The following ANKRD36 variants were observed in gnomAD, a reference collection of about 807,000 sequenced individuals.
ANKRD36 encodes ankyrin repeat domain-containing protein 36A.
Under a neutral mutation model 278.1 loss-of-function variants are expected in ANKRD36, and 179 were observed. That is an observed-to-expected ratio of 0.64 (90% CI 0.57 to 0.73). The LOEUF is 0.73. Ranked by LOEUF, ANKRD36 falls within the 30% of genes least tolerant of loss-of-function variation. The pLI, the probability that ANKRD36 is intolerant of heterozygous loss-of-function variation, is 0.00. For missense variants in ANKRD36, 1,159 were observed against 1,956.7 expected, an observed-to-expected ratio of 0.59 and a Z score of 7.69; for synonymous variants, 320 against 641.1, an observed-to-expected ratio of 0.50 and a Z score of 7.57.
chr2:97,158,759 A>G, intron 17 of ANKRD36, 104 bp downstream of exon 17: 2 of 1,193,082 alleles, frequency 1.7e-6, no homozygotes, highest in Non-Finnish European at 2.3e-6. Flanking sequence ...ACAATGGTAA[A>G]TTGTTTTATT....
intron 6 of ANKRD36, among the ~76,000 whole-genome samples, chr2:97,136,735 A>G (rs1248805206): frequency 1.3e-5 from 2 of 152,000 alleles, no homozygotes; most frequent in Admixed American, 1.3e-4. Context: ...TTTTCTACAC[A>G]TACAGCAGAT....
chr2:97,160,636 A>G, intron 17 of ANKRD36, among the ~76,000 whole-genome samples: 1 of 152,056 alleles, frequency 6.6e-6, no homozygotes, highest in Non-Finnish European at 1.5e-5. Flanking sequence ...CTGATTTTTA[A>G]CTATTATCTT....
In ANKRD36 at chr2:97,189,347, C is replaced by G. The variant is rs2058065430; in HGVS notation, c.2245+57C>G. On this transcript the variant is annotated intron_variant, in intron 34 of 75. Transcript: ENST00000420699. ...TCAATCCAGATAGAAAAGAACTTCT[C>G]TACCCCGAATAAATCAGCGGAGGGT... The G allele has an allele frequency of 6.2e-6, 4 of 646,938 alleles. 1 individual carries two copies. The highest frequency in any genetic ancestry group is 6.0e-5 in the African/African-American group (4 of 66,692). The allele number at this position is 646,938 out of a possible 1,614,324, so 40.1% of individuals were successfully genotyped here. A position where few individuals can be genotyped will look rare whatever the true frequency, so the allele number is the denominator to read the frequency against.
At chr2:97,187,474 A>T (rs1203392363) in intron 32 of ANKRD36, 73 bp downstream of exon 32, 1 of 48,768 alleles carries the variant, frequency 2.1e-5, no homozygotes, top group Non-Finnish European at 4.0e-5. Flanking sequence ...CTAATAAATC[A>T]GCGGAGGGCG....
intron 58 of ANKRD36, 79 bp downstream of exon 58, chr2:97,211,820 G>T: frequency 6.2e-6 from 9 of 1,444,564 alleles, no homozygotes; most frequent in Non-Finnish European, 8.5e-6. Flanking sequence ...AACAGCGGGG[G>T]GTTCGTCAAG....
chr2:97,159,593 C>T (rs1223932346), intron 17 of ANKRD36, among the ~76,000 whole-genome samples: 1 of 151,568 alleles, frequency 6.6e-6, no homozygotes, highest in Admixed American at 6.6e-5. Flanking sequence ...TACTTTTTGA[C>T]TCTTGTTAAA....
chr2:97,187,248 T>C (rs759188921), intron 31 of ANKRD36, 22 bp downstream of exon 31: 29 of 1,609,376 alleles, frequency 1.8e-5, no homozygotes, highest in Non-Finnish European at 2.2e-5. Context: ...CTCATTTATA[T>C]TGTGAACTAG....
intron 67 of ANKRD36, among the ~76,000 whole-genome samples, chr2:97,230,722 T>G (rs2071676707): frequency 6.6e-6 from 1 of 152,116 alleles, no homozygotes; most frequent in Non-Finnish European, 1.5e-5. Flanking sequence ...GCTCTGCTTT[T>G]TAGAGTTTCC....
chr2:97,134,496 TA>T (rs1441866724), intron 6 of ANKRD36, among the ~76,000 whole-genome samples: 2 of 152,054 alleles, frequency 1.3e-5, no homozygotes, highest in Non-Finnish European at 2.9e-5. Context: ...CAGTTGGAAA[TA>T]AGACCAGCTA....
rs2050044611 is a variant in ANKRD36 at position 97,164,319 on chromosome 2, T to G, written c.1458+8T>G. ...CAACCGCCTTTATTCACGGTAAACA[T>G]ATTTTCTTTAATTATTAACAAAATG... On this transcript the variant is annotated splice_region_variant and intron_variant, in intron 19 of 75. Transcript: ENST00000420699. The G allele has an allele frequency of 1.3e-6, 2 of 1,535,014 alleles. No individual in the cohort carries two copies. Among genetic ancestry groups the G allele is most frequent in the Non-Finnish European group, 1.7e-6 (2 of 1,145,572 alleles).
At chr2:97,208,659 C>T (rs1246297966) in intron 54 of ANKRD36, among the ~76,000 whole-genome samples, 2 of 146,446 alleles carry the variant, frequency 1.4e-5, no homozygotes, top group African/African-American at 2.7e-5. Flanking sequence ...CCCATTACTC[C>T]TCTTGGTTAC....
At chr2:97,235,127 A>G (rs1450654009) in intron 68 of ANKRD36, among the ~76,000 whole-genome samples, 1 of 151,290 alleles carries the variant, frequency 6.6e-6, no homozygotes, top group Non-Finnish European at 1.5e-5. Flanking sequence ...TGTTCTAGAA[A>G]TTTTATAGAT....
At chr2:97,118,281 A>G in intron 2 of ANKRD36, 63 bp from the exon 3 acceptor site, 1 of 1,610,072 alleles carries the variant, frequency 6.2e-7, no homozygotes, top group Non-Finnish European at 8.5e-7. Flanking sequence ...CTAGTAGGAA[A>G]TCCTACGGAG....
At chr2:97,209,140 A>G (rs1270735161) in intron 54 of ANKRD36, among the ~76,000 whole-genome samples, 13 of 146,640 alleles carry the variant, frequency 8.9e-5, no homozygotes, top group African/African-American at 3.2e-4. Flanking sequence ...GTATCAGCAA[A>G]CAGATATCCA....
chr2:97,159,809 G>C (rs1018799204), intron 17 of ANKRD36, among the ~76,000 whole-genome samples: 2 of 150,570 alleles, frequency 1.3e-5, no homozygotes, highest in Non-Finnish European at 3.0e-5. Context: ...TTGAGACGGA[G>C]TCTCGCTCTG....
At chr2:97,215,686 AT>A in intron 62 of ANKRD36, 189 bp downstream of exon 62, 1 of 1,479,054 alleles carries the variant, frequency 6.8e-7, no homozygotes, top group Non-Finnish European at 9.2e-7. Context: ...GAGTAGTAAG[AT>A]TGTAGACTTC....
intron 32 of ANKRD36, 93 bp downstream of exon 32, chr2:97,187,494 G>GGGGGGGGGGGGGA: frequency 1.0e-5 from 1 of 95,518 alleles, no homozygotes; most frequent in Non-Finnish European, 2.1e-5. Context: ...GGGTGGGGGG[G>GGGGGGGGGGGGGA]CTCGCCGAAG....
rs185041689 is a variant in ANKRD36, at chr2:97,156,314, C to A, written c.1260+1573C>A. Among the ~76,000 whole-genome samples, 10 of 145,392 alleles carry A rather than the reference C, an allele frequency of 6.9e-5. No individual in the cohort carries two copies. The East Asian group carries it at 1.8e-3, about 26-fold the overall frequency. On this transcript the variant is annotated intron_variant, in intron 15 of 75. Coordinates refer to ENST00000420699, the MANE Select transcript of ANKRD36 (RefSeq NM_001354587.1). ...ATACATGTGCCATGCTGGTGCGCTGCACCCACTAACTCGTCATCTAGCATC... is the reference window on the plus strand; with the variant it reads ...ATACATGTGCCATGCTGGTGCGCTGAACCCACTAACTCGTCATCTAGCATC...
chr2:97,221,488 TATCTC>T (rs1257613577), intron 66 of ANKRD36, among the ~76,000 whole-genome samples: 3 of 114,912 alleles, frequency 2.6e-5, no homozygotes, highest in Non-Finnish European at 5.0e-5. Flanking sequence ...TGTGAGATGA[TATCTC>T]ATAGTGGTTT....
Sources: gnomAD v4.1 joint callset for allele counts (sites outside exome capture counted in the v4.1 genomes callset) on GRCh38, gnomAD v4.1.1 for gene constraint, MANE v1.5 for transcripts, NCBI Gene and HGNC (gene_info 2026-07-23, HGNC 2026-07-21) for gene names.